Variants in NDUFA5 observed in about 807,000 individuals in gnomAD.
The protein encoded by NDUFA5 is NADH dehydrogenase [ubiquinone] 1 alpha subcomplex subunit 5.
NDUFA5 carries 11 observed loss-of-function variants against 19.8 expected under a neutral mutation model. The observed-to-expected ratio is 0.56, with a 90% CI of 0.35 to 0.92. NDUFA5 has a LOEUF of 0.92. NDUFA5 is among the 40% of genes least tolerant of loss of function. The pLI, the probability that NDUFA5 is intolerant of heterozygous loss-of-function variation, is 0.01. For synonymous variants in NDUFA5, 47 were observed against 46.8 expected, an observed-to-expected ratio of 1.00 and a Z score of -0.01; for missense variants, 109 against 134.2, an observed-to-expected ratio of 0.81 and a Z score of 0.93.
chr7:123,546,712 G>C lies in NDUFA5; in HGVS notation c.184-1036C>G. ...GTTACTGCCTCAGGGTATCTTGCTG[G>C]ATGGCCCAGGGTATCTGCATCACTT... is the stretch of plus-strand genomic sequence containing the variant. On this transcript the variant is annotated intron_variant, in intron 3 of 4. Coordinates refer to ENST00000355749, the MANE Select transcript of NDUFA5 (RefSeq NM_005000.5). The C allele has an allele frequency of 3.9e-6, 5 of 1,287,386 alleles. No homozygotes were observed. The South Asian group carries it at 6.2e-5, about 16-fold the overall frequency. 79.7% of individuals were successfully genotyped at this position (1,287,386 alleles called of 1,614,324 possible).
chr7:123,589,230 C>A, the NDUFA5 span, among the ~76,000 whole-genome samples: 1 of 151,548 alleles, frequency 6.6e-6, no homozygotes, highest in Non-Finnish European at 1.5e-5. Context: ...GTTGGGTGCA[C>A]ATATAATTAC....
the NDUFA5 span, among the ~76,000 whole-genome samples, chr7:123,569,808 G>GCC: frequency 2.0e-5 from 3 of 152,326 alleles, no homozygotes; most frequent in African/African-American, 7.2e-5. Flanking sequence ...AGAGAGGCAA[G>GCC]CCCGTTAAGT....
the NDUFA5 span, among the ~76,000 whole-genome samples, chr7:123,567,343 T>C: frequency 6.6e-6 from 1 of 152,134 alleles, no homozygotes; most frequent in South Asian, 2.1e-4. Flanking sequence ...AGGAGATGAA[T>C]GTTGGGAAGT....
chr7:123,549,079 T>C (rs1458285625), intron 3 of NDUFA5, among the ~76,000 whole-genome samples: 1 of 152,234 alleles, frequency 6.6e-6, no homozygotes, highest in Non-Finnish European at 1.5e-5. Flanking sequence ...ATGCAAATAC[T>C]ATGCCATTTT....
At chr7:123,545,374 A>G (rs574487056) in intron 4 of NDUFA5, among the ~76,000 whole-genome samples, 1 of 152,266 alleles carries the variant, frequency 6.6e-6, no homozygotes, top group East Asian at 1.9e-4. Context: ...TGCTAATTAA[A>G]TTAAAAGAGT....
the NDUFA5 span, among the ~76,000 whole-genome samples, chr7:123,589,853 T>C: frequency 6.6e-6 from 1 of 152,186 alleles, no homozygotes; most frequent in Admixed American, 6.5e-5. Context: ...GATCGCTAAG[T>C]CAAATGGTAT....
intron 3 of NDUFA5, among the ~76,000 whole-genome samples, chr7:123,547,908 T>C (rs920156526): frequency 6.6e-6 from 1 of 152,128 alleles, no homozygotes; most frequent in Non-Finnish European, 1.5e-5. Flanking sequence ...CATTACCTCA[T>C]TCGGTTCTAA....
the NDUFA5 span, among the ~76,000 whole-genome samples, chr7:123,588,162 G>C: frequency 1.9e-4 from 29 of 151,566 alleles, no homozygotes; most frequent in Non-Finnish European, 3.5e-4. Flanking sequence ...ACTAGGTTTG[G>C]GTTTCTCTTT....
At chr7:123,589,534 T>C in the NDUFA5 span, among the ~76,000 whole-genome samples, 1 of 152,102 alleles carries the variant, frequency 6.6e-6, no homozygotes, top group Non-Finnish European at 1.5e-5. Flanking sequence ...TGTGTTCTCA[T>C]TATTCAACTC....
the NDUFA5 span, among the ~76,000 whole-genome samples, chr7:123,600,734 TAA>T: frequency 1.3e-5 from 2 of 152,168 alleles, no homozygotes; most frequent in African/African-American, 2.4e-5. Context: ...TTATCACAGT[TAA>T]AGAGGAGTTA....
the NDUFA5 span, among the ~76,000 whole-genome samples, chr7:123,574,624 T>C: frequency 6.6e-6 from 1 of 152,176 alleles, no homozygotes; most frequent in Non-Finnish European, 1.5e-5. Flanking sequence ...CATATCTACA[T>C]TCCCAAGTTT....
chr7:123,557,216 C>T, intron 2 of NDUFA5, 188 bp downstream of exon 2: 1 of 844,232 alleles, frequency 1.2e-6, no homozygotes. Flanking sequence ...GAGGTCATGG[C>T]AAAAATAAAT....
intron 4 of NDUFA5, among the ~76,000 whole-genome samples, chr7:123,542,740 C>T (rs1797984989): frequency 6.6e-6 from 1 of 151,834 alleles, no homozygotes; most frequent in South Asian, 2.1e-4. Flanking sequence ...CACTTGAGAC[C>T]CAGAGTTTAT....
upstream of NDUFA5, among the ~76,000 whole-genome samples, chr7:123,559,884 A>G (rs1798667815): frequency 1.3e-5 from 2 of 151,586 alleles, no homozygotes; most frequent in African/African-American, 2.4e-5. Context: ...AAGGAAAGAA[A>G]AAAGAAAATA....
chr7:123,581,414 T>TAAAAAAA, the NDUFA5 span, among the ~76,000 whole-genome samples: 1 of 124,458 alleles, frequency 8.0e-6, no homozygotes, highest in African/African-American at 3.0e-5. Flanking sequence ...AGTGAGCACT[T>TAAAAAAA]AAAAAAAAAA....
chr7:123,572,254 G>A, the NDUFA5 span, among the ~76,000 whole-genome samples: 1 of 136,046 alleles, frequency 7.4e-6, no homozygotes, highest in Non-Finnish European at 1.5e-5. Flanking sequence ...CGATTCTCTT[G>A]CCTCAGCCTC....
chr7:123,538,002 C>T lies in NDUFA5; in HGVS notation c.*4117G>A, dbSNP rs1034647559. On this transcript the variant is annotated 3_prime_UTR_variant, in exon 5 of 5. Coordinates refer to ENST00000355749, the MANE Select transcript of NDUFA5 (RefSeq NM_005000.5). ...ACAAAAAATTAGCTGCTAATGTAAA[C>T]CTAAAGACCAATTTGAAAATTATTA... The T allele has an allele frequency of 1.3e-5, 2 of 151,942 alleles. No individual in the cohort carries two copies. The highest frequency in any genetic ancestry group is 1.3e-4 in the Admixed American group (2 of 15,268). 9.4% of individuals were successfully genotyped at this position (151,942 alleles called of 1,614,324 possible).
At chr7:123,565,467 G>A in the NDUFA5 span, among the ~76,000 whole-genome samples, 1 of 151,212 alleles carries the variant, frequency 6.6e-6, no homozygotes, top group Non-Finnish European at 1.5e-5. Context: ...TTTGCTTTAG[G>A]GTTCCCCAGA....
the NDUFA5 span, among the ~76,000 whole-genome samples, chr7:123,580,070 G>A: frequency 2.0e-5 from 3 of 151,974 alleles, no homozygotes; most frequent in Non-Finnish European, 4.4e-5. Context: ...AGAGATTGGC[G>A]GGATTAGAAA....
Sources: allele counts gnomAD v4.1 joint callset (sites outside exome capture counted in the v4.1 genomes callset), GRCh38; gene constraint gnomAD v4.1.1; transcripts MANE v1.5; gene names NCBI Gene and HGNC (gene_info 2026-07-23, HGNC 2026-07-21).